The following CCDC83 variants were observed in gnomAD, a reference collection of about 807,000 sequenced individuals.
CCDC83 encodes the protein coiled-coil domain containing 83, also known as coiled-coil domain-containing protein 83.
Under a neutral mutation model 50.1 loss-of-function variants are expected in CCDC83, and 54 were observed. The ratio of observed to expected loss-of-function variants is 1.08; its 90% CI spans 0.87 to 1.35. CCDC83 has a LOEUF of 1.35. CCDC83 is among the 40% of genes most tolerant of loss of function. The pLI is 0.00. For synonymous variants in CCDC83, 161 were observed against 153.3 expected, an observed-to-expected ratio of 1.05 and a Z score of -0.37; for missense variants, 518 against 473.9, an observed-to-expected ratio of 1.09 and a Z score of -0.86.
intron 8 of CCDC83, among the ~76,000 whole-genome samples, chr11:85,914,610 T>G (rs1380210539): frequency 6.6e-6 from 1 of 152,212 alleles, no homozygotes; most frequent in Non-Finnish European, 1.5e-5. Context: ...ATTCCGCACC[T>G]GAAATACTAC....
intron 1 of CCDC83, among the ~76,000 whole-genome samples, chr11:85,861,145 T>G (rs2093173981): frequency 6.6e-6 from 1 of 152,230 alleles, no homozygotes; most frequent in Non-Finnish European, 1.5e-5. Context: ...ATAGAAGTAG[T>G]TAGGTGTCAC....
chr11:85,877,528 G>C (rs996405860), intron 3 of CCDC83, among the ~76,000 whole-genome samples: 19 of 152,214 alleles, frequency 1.2e-4, no homozygotes, highest in African/African-American at 4.6e-4. Context: ...AATATCACAT[G>C]CTTGAAAAGA....
chr11:85,875,893 G>A (rs937639095), intron 3 of CCDC83, among the ~76,000 whole-genome samples: 1 of 152,092 alleles, frequency 6.6e-6, no homozygotes, highest in African/African-American at 2.4e-5. Context: ...CTCATTAGAT[G>A]TTCCGTAGTT....
Position 85,916,185 on chromosome 11 carries a change from G to A in CCDC83, c.1032G>A (p.Gly344=), listed in dbSNP as rs1453772505. The A allele has an allele frequency of 6.2e-7, 1 of 1,613,092 alleles. No homozygotes were observed. Among genetic ancestry groups the A allele is most frequent in the Non-Finnish European group, 8.5e-7 (1 of 1,179,378 alleles). Reference sequence around the variant, plus strand: ...AGGAAAACTCAGGCACAGAGTTTGGGGACACTGATATGAAGTACTTACTAT... The same window carrying A: ...AGGAAAACTCAGGCACAGAGTTTGGAGACACTGATATGAAGTACTTACTAT... ...DKEENSGTEF[G]DTDMKYLLYE... is the part of the protein sequence containing the mutation. The change falls in exon 10 of 11, where the codon GGG becomes GGA. Residue 344 remains glycine (G), a synonymous_variant. Coordinates refer to ENST00000342404, the MANE Select transcript of CCDC83 (RefSeq NM_001286159.2).
At chr11:85,879,164 T>C (rs1018722768) in intron 3 of CCDC83, among the ~76,000 whole-genome samples, 1 of 152,220 alleles carries the variant, frequency 6.6e-6, no homozygotes, top group Non-Finnish European at 1.5e-5. Context: ...TTTTCCTTTA[T>C]GGATTATGCT....
intron 10 of CCDC83, among the ~76,000 whole-genome samples, chr11:85,917,055 G>A (rs1458594255): frequency 6.6e-6 from 1 of 151,288 alleles, no homozygotes; most frequent in East Asian, 1.9e-4. Context: ...AGGTTGCAGT[G>A]AGCAGAGACT....
Position 85,887,381 on chromosome 11 carries a change from C to T in CCDC83, c.511+1014C>T, listed in dbSNP as rs908851472. On this transcript the variant is annotated intron_variant, in intron 5 of 10. Coordinates refer to ENST00000342404, the MANE Select transcript of CCDC83 (RefSeq NM_001286159.2). ...GGACTCAGCTGGAGATAGTGCCCTG[C>T]GTTGTGGAGGGGTTCCTGTGGGTGG... 7.9e-5 allele frequency among the ~76,000 whole-genome samples: 12 copies of T among 152,166 alleles called. No homozygotes were observed. In the South Asian group the frequency reaches 1.0e-3, roughly 13 times the overall value.
intron 10 of CCDC83, among the ~76,000 whole-genome samples, chr11:85,917,047 G>A (rs191869128): frequency 5.1e-4 from 77 of 151,428 alleles, no homozygotes; most frequent in African/African-American, 1.7e-3. Context: ...GGAAGCAGAG[G>A]TTGCAGTGAG....
At position 85,908,964 on chromosome 11, in the gene CCDC83, C is replaced by T. The variant is rs1464051286; in HGVS notation, c.673-2317C>T. 6.6e-5 allele frequency among the ~76,000 whole-genome samples: 10 copies of T among 152,068 alleles called. No homozygotes were observed. In the East Asian group the frequency reaches 1.5e-3, roughly 24 times the overall value. ...GTTTGTTTGTTTTGAGACAGGGTCT[C>T]GCTCTGTCACCTGGGCTGAAGTGTC... is the stretch of plus-strand genomic sequence containing the variant. On this transcript the variant is annotated intron_variant, in intron 7 of 10. Transcript: ENST00000342404.
chr11:85,917,299 GAAAA>G (rs1321730528), intron 10 of CCDC83, among the ~76,000 whole-genome samples: 1 of 151,764 alleles, frequency 6.6e-6, no homozygotes, highest in Non-Finnish European at 1.5e-5. Flanking sequence ...AAGAAAGAAA[GAAAA>G]GAAAGAAGGC....
In CCDC83 at chr11:85,906,275, C is replaced by T. The variant is rs150332559; in HGVS notation, c.673-5006C>T. Among the ~76,000 whole-genome samples, 358 of 152,080 alleles carry T rather than the reference C, an allele frequency of 2.4e-3. 3 individuals are homozygous for T. Among genetic ancestry groups the T allele is most frequent in the African/African-American group, 8.1e-3 (337 of 41,492 alleles). ...AGAGGTGAGGTTTCATCATGTTGGT[C>T]AGGCTAGTCTCAAAGTCCCGACCTC... On this transcript the variant is annotated intron_variant, in intron 7 of 10. Coordinates refer to ENST00000342404, the MANE Select transcript of CCDC83 (RefSeq NM_001286159.2).
intron 3 of CCDC83, among the ~76,000 whole-genome samples, chr11:85,881,598 T>G (rs1304113162): frequency 2.3e-4 from 35 of 152,042 alleles, no homozygotes; most frequent in Admixed American, 2.3e-3. Flanking sequence ...TTTAAATTTT[T>G]TGTAGAGACA....
chr11:85,865,218 A>G lies in CCDC83; in HGVS notation c.95A>G (p.Gln32Arg), dbSNP rs1174179632. 6.4e-7 allele frequency: 1 copy of G among 1,572,144 alleles called. No homozygotes were observed. The highest frequency in any genetic ancestry group is 2.2e-5 in the East Asian group (1 of 44,644). The change falls in exon 2 of 11, where the codon CAA (glutamine) becomes CGA (arginine). Residue 32 changes from glutamine to arginine, a missense_variant and splice_region_variant. Gln to Arg is a conservative substitution (Grantham distance 43). Coordinates refer to ENST00000342404, the MANE Select transcript of CCDC83 (RefSeq NM_001286159.2). ...LPTSEALLDY[Q>R]CQIKEDAVEQ... ...ACCAGTGAAGCACTTCTAGACTATC[A>G]GTAAGTTTTTATTCTGAAATCTGAA... is the stretch of plus-strand genomic sequence containing the variant.
intron 10 of CCDC83, among the ~76,000 whole-genome samples, chr11:85,919,118 GA>G (rs1178600511): frequency 6.6e-6 from 1 of 152,168 alleles, no homozygotes; most frequent in Non-Finnish European, 1.5e-5. Context: ...CCTGCTTTTG[GA>G]AGATCTTGCC....
intron 5 of CCDC83, among the ~76,000 whole-genome samples, chr11:85,892,836 T>C (rs1429418589): frequency 2.0e-5 from 3 of 152,174 alleles, no homozygotes; most frequent in Non-Finnish European, 4.4e-5. Flanking sequence ...TTAGTTCAAA[T>C]AAGTAAGAAA....
chr11:85,901,340 A>G (rs548990305), intron 7 of CCDC83, among the ~76,000 whole-genome samples: 11 of 152,138 alleles, frequency 7.2e-5, no homozygotes, highest in East Asian at 1.9e-4. Flanking sequence ...TGGCAAGTCA[A>G]TGCAGGAGGA....
intron 2 of CCDC83, among the ~76,000 whole-genome samples, chr11:85,865,662 C>T (rs1045471606): frequency 2.0e-5 from 3 of 151,958 alleles, no homozygotes; most frequent in Admixed American, 6.6e-5. Flanking sequence ...CCAAAGCAGG[C>T]GGATCACCTG....
intron 7 of CCDC83, among the ~76,000 whole-genome samples, chr11:85,902,244 A>G (rs1393332175): frequency 6.6e-6 from 1 of 152,192 alleles, no homozygotes; most frequent in African/African-American, 2.4e-5. Context: ...TCAATAGCAA[A>G]GTTCAGATGA....
chr11:85,894,758 A>C (rs2093364953), intron 5 of CCDC83, among the ~76,000 whole-genome samples: 1 of 152,204 alleles, frequency 6.6e-6, no homozygotes, highest in Non-Finnish European at 1.5e-5. Flanking sequence ...TTGTTGAAAA[A>C]AGGAATGAAC....
Sources: allele counts gnomAD v4.1 joint callset (sites outside exome capture counted in the v4.1 genomes callset), GRCh38; gene constraint gnomAD v4.1.1; transcripts MANE v1.5; gene names NCBI Gene and HGNC (gene_info 2026-07-23, HGNC 2026-07-21).